Variants in EPHA6 observed in about 807,000 individuals in gnomAD.
EPHA6 encodes the protein ephrin type-A receptor 6.
EPHA6 carries 50 observed loss-of-function variants against 112.0 expected under a neutral mutation model. The ratio of observed to expected loss-of-function variants is 0.45; its 90% CI spans 0.36 to 0.56. The LOEUF is 0.56. Ranked by LOEUF, EPHA6 falls within the 20% of genes least tolerant of loss-of-function variation. The probability of loss-of-function intolerance (pLI) is 0.00; values close to 1 mark genes in which losing one functional copy is unlikely to be tolerated. For missense variants in EPHA6, 1,280 were observed against 1,417.4 expected (o/e 0.90, Z 1.56); for synonymous variants, 529 against 490.7 (o/e 1.08, Z -1.03).
At chr3:97,181,804 G>T (rs1366469326) in intron 3 of EPHA6, among the ~76,000 whole-genome samples, 1 of 151,996 alleles carries the variant, frequency 6.6e-6, no homozygotes, top group African/African-American at 2.4e-5. Flanking sequence ...TTATAGCATG[G>T]ATATCAATTC....
At chr3:96,922,948 T>G (rs1235273614) in intron 2 of EPHA6, among the ~76,000 whole-genome samples, 1 of 152,200 alleles carries the variant, frequency 6.6e-6, no homozygotes, top group East Asian at 1.9e-4. Flanking sequence ...ATTCCATTCA[T>G]GTCTTTGCAA....
At chr3:97,142,402 A>C (rs2075932825) in intron 3 of EPHA6, among the ~76,000 whole-genome samples, 1 of 151,986 alleles carries the variant, frequency 6.6e-6, no homozygotes, top group South Asian at 2.1e-4. Flanking sequence ...GCTCTTAGGA[A>C]ACCATAAGCA....
At chr3:97,560,918 C>T (rs2093180656) in intron 11 of EPHA6, among the ~76,000 whole-genome samples, 1 of 152,052 alleles carries the variant, frequency 6.6e-6, no homozygotes, top group African/African-American at 2.4e-5. Flanking sequence ...TTTGGTAATT[C>T]TGGCAATATT....
intron 12 of EPHA6, among the ~76,000 whole-genome samples, chr3:97,598,898 C>G (rs1417170076): frequency 4.2e-4 from 64 of 150,764 alleles, no homozygotes; most frequent in Admixed American, 3.9e-3. Flanking sequence ...TAAAAGTGTT[C>G]CTATTTCTCC....
chr3:97,702,542 G>A (rs1020169576), intron 14 of EPHA6, among the ~76,000 whole-genome samples: 1 of 152,170 alleles, frequency 6.6e-6, no homozygotes, highest in Non-Finnish European at 1.5e-5. Context: ...CATAAATGTA[G>A]CACAGAGAGA....
chr3:97,436,375 C>T (rs1169954776), intron 6 of EPHA6, among the ~76,000 whole-genome samples: 1 of 152,076 alleles, frequency 6.6e-6, no homozygotes, highest in African/African-American at 2.4e-5. Context: ...TATCAGATCA[C>T]AATTAAGGCT....
chr3:97,184,742 A>G, intron 3 of EPHA6, among the ~76,000 whole-genome samples: 1 of 152,198 alleles, frequency 6.6e-6, no homozygotes. Context: ...ACCAAAAAAG[A>G]GTCCACATTG....
intron 3 of EPHA6, among the ~76,000 whole-genome samples, chr3:97,068,190 G>C (rs75296776): frequency 0.012 from 1,792 of 148,818 alleles, 50 homozygotes; most frequent in African/African-American, 0.043. Flanking sequence ...AAGAGTCAGG[G>C]ATAAAGAATC....
rs2044036442 is a variant in EPHA6 at position 97,010,221 on chromosome 3, TC to T, written c.1114+22229del. ...GGGTTCTGGTCAATCAAAGGGAAATTCTAGATTATTTGTAATATCATGTAAT... is the reference window on the plus strand; with the variant it reads ...GGGTTCTGGTCAATCAAAGGGAAATTTAGATTATTTGTAATATCATGTAAT... On this transcript the variant is annotated intron_variant, in intron 3 of 17. Coordinates refer to ENST00000389672, the MANE Select transcript of EPHA6 (RefSeq NM_001080448.3). The T allele has an allele frequency of 5.1e-6, 3 of 585,802 alleles. No homozygotes were observed. The South Asian group carries it at 6.1e-5, about 12-fold the overall frequency. The allele number at this position is 585,802 out of a possible 1,614,324, so 36.3% of individuals were successfully genotyped here.
At chr3:97,368,120 C>A (rs910687299) in intron 5 of EPHA6, among the ~76,000 whole-genome samples, 11 of 152,126 alleles carry the variant, frequency 7.2e-5, no homozygotes, top group African/African-American at 2.2e-4. Context: ...ATATTGCAAG[C>A]CTTTCCCTAA....
intron 1 of EPHA6, among the ~76,000 whole-genome samples, chr3:96,820,468 T>C (rs771267667): frequency 6.6e-6 from 1 of 151,772 alleles, no homozygotes; most frequent in South Asian, 2.1e-4. Context: ...AGAAGATGGG[T>C]TTGAAATATG....
intron 5 of EPHA6, among the ~76,000 whole-genome samples, chr3:97,362,808 C>T (rs2084446233): frequency 6.6e-6 from 1 of 151,510 alleles, no homozygotes; most frequent in Non-Finnish European, 1.5e-5. Context: ...TCAGATGGTC[C>T]AATCTGTGAA....
chr3:97,194,238 A>G (rs979429599), intron 3 of EPHA6, among the ~76,000 whole-genome samples: 4 of 151,754 alleles, frequency 2.6e-5, no homozygotes, highest in African/African-American at 9.7e-5. Context: ...TGAGTTCACC[A>G]TATTCCATAG....
intron 5 of EPHA6, among the ~76,000 whole-genome samples, chr3:97,262,700 C>A (rs2079543870): frequency 6.6e-6 from 1 of 152,228 alleles, no homozygotes; most frequent in East Asian, 1.9e-4. Flanking sequence ...ATCTACCACT[C>A]CTCATTTCAT....
chr3:96,895,872 A>G (rs2038243528), intron 2 of EPHA6, among the ~76,000 whole-genome samples: 1 of 152,202 alleles, frequency 6.6e-6, no homozygotes, highest in Non-Finnish European at 1.5e-5. Context: ...TTATAGGGAC[A>G]CCAATCATTG....
intron 2 of EPHA6, among the ~76,000 whole-genome samples, chr3:96,976,065 A>G (rs1043764850): frequency 6.6e-6 from 1 of 152,184 alleles, no homozygotes; most frequent in Non-Finnish European, 1.5e-5. Flanking sequence ...GTTTGATAAT[A>G]TACTTTATCC....
chr3:97,196,068 T>C (rs1025023349), intron 3 of EPHA6, among the ~76,000 whole-genome samples: 2 of 151,838 alleles, frequency 1.3e-5, no homozygotes, highest in African/African-American at 4.8e-5. Context: ...AAATAAACTT[T>C]CTACCCAGAT....
intron 5 of EPHA6, among the ~76,000 whole-genome samples, chr3:97,325,342 C>G (rs368411032): frequency 1.2e-4 from 19 of 152,110 alleles, no homozygotes; most frequent in African/African-American, 4.6e-4. Flanking sequence ...TTGCAGATGG[C>G]CTTCCTTTCA....
intron 2 of EPHA6, among the ~76,000 whole-genome samples, chr3:96,951,016 G>A (rs146140062): frequency 4.0e-5 from 6 of 151,314 alleles, no homozygotes; most frequent in African/African-American, 1.5e-4. Context: ...TTTTTACTTA[G>A]TTAAGAACTG....
Sources: gnomAD v4.1 joint callset for allele counts (sites outside exome capture counted in the v4.1 genomes callset) on GRCh38, gnomAD v4.1.1 for gene constraint, MANE v1.5 for transcripts, NCBI Gene and HGNC (gene_info 2026-07-23, HGNC 2026-07-21) for gene names.